The following SPEN variants were observed in gnomAD, a reference collection of about 807,000 sequenced individuals.
SPEN encodes the protein msx2-interacting protein.
SPEN carries 18 observed loss-of-function variants against 269.9 expected under a neutral mutation model. The ratio of observed to expected loss-of-function variants is 0.07; its 90% CI spans 0.05 to 0.10. The LOEUF is 0.10. Among genes scored for constraint, SPEN ranks in the 10% least tolerant of loss-of-function variants. The pLI is 1.00. For missense variants in SPEN, 3,822 were observed against 4,631.2 expected, an observed-to-expected ratio of 0.83 and a Z score of 5.07; for synonymous variants, 1,726 against 1,765.7, an observed-to-expected ratio of 0.98 and a Z score of 0.56.
At chr1:15,902,046 A>G (rs1334593118) in intron 3 of SPEN, among the ~76,000 whole-genome samples, 1 of 146,674 alleles carries the variant, frequency 6.8e-6, no homozygotes, top group Non-Finnish European at 1.5e-5. Context: ...CTCATGCCTT[A>G]GCCTCCCAAG....
At position 15,932,912 on chromosome 1, in the gene SPEN, T is replaced by G. The variant is rs2071236428; in HGVS notation, c.6672T>G (p.Asn2224Lys). 1 of 1,614,108 alleles carries G rather than the reference T, an allele frequency of 6.2e-7. No individual in the cohort carries two copies. The highest frequency in any genetic ancestry group is 8.5e-7 in the Non-Finnish European group (1 of 1,180,054). Reference sequence around the variant, plus strand: ...CTGCGGCCATCGGCTCCATCATCAATGACATTTCTGGGGAGCCAGAAAACT... The same window carrying G: ...CTGCGGCCATCGGCTCCATCATCAAGGACATTTCTGGGGAGCCAGAAAACT... ...ELAAAIGSII[N>K]DISGEPENFP... The change falls in exon 11 of 15, where the codon AAT becomes AAG. Residue 2224 changes from asparagine to lysine, a missense_variant. By Grantham distance (94) the Asn-to-Lys change is moderately conservative (BLOSUM62 0). Coordinates refer to ENST00000375759, the MANE Select transcript of SPEN (RefSeq NM_015001.3). The surrounding 1 kb of genome is among the most constrained non-coding windows in gnomAD (Gnocchi z 4.2).
chr1:15,922,128 C>A, intron 9 of SPEN, 121 bp from the exon 10 acceptor site: 2 of 681,854 alleles, frequency 2.9e-6, no homozygotes, highest in East Asian at 2.7e-5. Flanking sequence ...ACTTGAGATA[C>A]ATTGCTGTTT....
intron 5 of SPEN, among the ~76,000 whole-genome samples, chr1:15,915,418 G>A (rs951605019): frequency 2.6e-5 from 4 of 152,184 alleles, no homozygotes; most frequent in African/African-American, 9.7e-5. Context: ...GAGCCTGGGA[G>A]GTTGAGGCTC....
At position 15,929,691 on chromosome 1, in the gene SPEN, C is replaced by T; in HGVS notation, c.3451C>T (p.His1151Tyr). Residue 1151 changes from histidine to tyrosine, a missense_variant, in exon 11 of 15, where the codon CAT (histidine) becomes TAT (tyrosine). By Grantham distance (83) the His-to-Tyr change is moderately conservative. Coordinates refer to ENST00000375759, the MANE Select transcript of SPEN (RefSeq NM_015001.3). The surrounding 1 kb of genome is among the most constrained non-coding windows in gnomAD (Gnocchi z 5.8). ...ACGTAAATCAGGCCAAGAGAAATCA[C>T]ATTCAGTAAATACTGAAGAAAAAAT... ...PERKSGQEKS[H>Y]SVNTEEKIGI... 6.2e-7 allele frequency: 1 copy of T among 1,614,028 alleles called. No homozygotes were observed. The highest frequency in any genetic ancestry group is 8.5e-7 in the Non-Finnish European group (1 of 1,179,962).
At chr1:15,855,516 T>A (rs1180885172) in intron 1 of SPEN, among the ~76,000 whole-genome samples, 1 of 152,156 alleles carries the variant, frequency 6.6e-6, no homozygotes, top group Non-Finnish European at 1.5e-5. Flanking sequence ...CTTTTACCAA[T>A]CAAATTGGTA....
At position 15,928,112 on chromosome 1, in the gene SPEN, C is replaced by T. The variant is rs142915822; in HGVS notation, c.1872C>T (p.Tyr624=). ...AERREERRAS[Y]DYNQDRTYYE... Reference sequence around the variant, plus strand: ...GCAGAGAGGAACGAAGGGCATCCTACGACTATAACCAAGATCGTACATATT... The same window carrying T: ...GCAGAGAGGAACGAAGGGCATCCTATGACTATAACCAAGATCGTACATATT... Residue 624 remains tyrosine, a synonymous_variant, in exon 11 of 15, where the codon TAC becomes TAT. Transcript: ENST00000375759. This position sits in a 1 kb window ranked among gnomAD's most constrained non-coding sequence, Gnocchi z 5.7. 74 of 1,608,018 alleles carry T rather than the reference C, an allele frequency of 4.6e-5. No individual in the cohort carries two copies. Among genetic ancestry groups the T allele is most frequent in the African/African-American group, 3.6e-4 (27 of 74,742 alleles).
Position 15,928,651 on chromosome 1 carries a change from G to A in SPEN, c.2411G>A (p.Arg804Lys). 6.2e-7 allele frequency: 1 copy of A among 1,614,070 alleles called. No homozygotes were observed. Among genetic ancestry groups the A allele is most frequent in the South Asian group, 1.1e-5 (1 of 91,082 alleles). ...ERTFDPERVE[R>K]ERRLIRKEKV... The stretch of plus-strand genomic sequence containing the variant: ...ACTTTTGATCCGGAGAGAGTGGAGA[G>A]AGAGAGACGCTTAATACGGAAGGAA... The change falls in exon 11 of 15, where the codon AGA becomes AAA. Residue 804 changes from arginine (R) to lysine (K), a missense_variant. Transcript: ENST00000375759. This position sits in a 1 kb window ranked among gnomAD's most constrained non-coding sequence, Gnocchi z 5.7.
intron 3 of SPEN, among the ~76,000 whole-genome samples, chr1:15,889,618 C>T (rs2148718170): frequency 6.6e-6 from 1 of 152,270 alleles, no homozygotes; most frequent in East Asian, 1.9e-4. Context: ...AAAGAGCACT[C>T]TCTGGTCATT....
Position 15,933,809 on chromosome 1 carries a change from G to C in SPEN, c.7569G>C (p.Lys2523Asn). ...TPSPALPPDTKASDVDTSSST... is the reference protein window; with the variant it reads ...TPSPALPPDTNASDVDTSSST... ...CTCCAGCTCTTCCCCCAGACACAAA[G>C]GCCTCTGATGTTGACACCAGCTCCA... Residue 2523 changes from lysine to asparagine, a missense_variant, in exon 11 of 15, where the codon AAG becomes AAC. By Grantham distance (94) the Lys-to-Asn change is moderately conservative (BLOSUM62 0). Coordinates refer to ENST00000375759, the MANE Select transcript of SPEN (RefSeq NM_015001.3). This position sits in a 1 kb window ranked among gnomAD's most constrained non-coding sequence, Gnocchi z 5.7. 1 of 1,613,272 alleles carries C rather than the reference G, an allele frequency of 6.2e-7. No homozygotes were observed. The highest frequency in any genetic ancestry group is 8.5e-7 in the Non-Finnish European group (1 of 1,180,038).
chr1:15,929,158 T>C lies in SPEN; in HGVS notation c.2918T>C (p.Val973Ala). 6.2e-7 allele frequency: 1 copy of C among 1,613,910 alleles called. No individual in the cohort carries two copies. Among genetic ancestry groups the C allele is most frequent in the Non-Finnish European group, 8.5e-7 (1 of 1,179,964 alleles). ...AAGCCTGAGCAGCCTGCAGATGGGG[T>C]AAGTGCTGTGGATCTGGAGAAGCTG... ...HLKPEQPADG[V>A]SAVDLEKLEA... The change falls in exon 11 of 15, where the codon GTA (valine) becomes GCA (alanine). Residue 973 changes from valine (V) to alanine (A), a missense_variant. Physicochemically the swap from Val to Ala is moderately conservative, Grantham distance 64 (BLOSUM62 0). This residue lies in a region of SPEN where 572 missense variants were observed against 582.6 expected (regional missense o/e 0.98). Transcript: ENST00000375759. This position sits in a 1 kb window ranked among gnomAD's most constrained non-coding sequence, Gnocchi z 5.8.
chr1:15,878,745 C>G (rs2070656917), intron 3 of SPEN, among the ~76,000 whole-genome samples: 1 of 152,168 alleles, frequency 6.6e-6, no homozygotes, highest in Non-Finnish European at 1.5e-5. Flanking sequence ...GTGGCTCACT[C>G]ACGCCTGTAA....
Position 15,931,614 on chromosome 1 carries a change from G to A in SPEN, c.5374G>A (p.Glu1792Lys), listed in dbSNP as rs537211881. The A allele has an allele frequency of 4.7e-5, 76 of 1,614,116 alleles. No individual in the cohort carries two copies. Among genetic ancestry groups the A allele is most frequent in the South Asian group, 2.0e-4 (18 of 91,072 alleles). Residue 1792 changes from glutamate (E) to lysine (K), a missense_variant, in exon 11 of 15, where the codon GAA becomes AAA. This residue lies in a region of SPEN where 533 missense variants were observed against 618.8 expected (regional missense o/e 0.86). Coordinates refer to ENST00000375759, the MANE Select transcript of SPEN (RefSeq NM_015001.3). This position sits in a 1 kb window ranked among gnomAD's most constrained non-coding sequence, Gnocchi z 4.8. ...DAEPDANQKA[E>K]AAPESQPPAS... ...TGAGCCTGATGCAAACCAGAAAGCC[G>A]AAGCTGCTCCTGAGTCTCAGCCCCC...
chr1:15,904,479 T>TAAAA (rs1557750239), intron 3 of SPEN, among the ~76,000 whole-genome samples: 3,717 of 80,302 alleles, frequency 0.046, 155 homozygotes, highest in East Asian at 0.069. Flanking sequence ...AAAAAAAAAG[T>TAAAA]GAACTAAAAA....
intron 1 of SPEN, among the ~76,000 whole-genome samples, chr1:15,859,362 T>C (rs1269010924): frequency 6.9e-6 from 1 of 144,676 alleles, no homozygotes; most frequent in Non-Finnish European, 1.5e-5. Context: ...TCTTTTCTTT[T>C]TTTTTTTTTT....
Position 15,929,738 on chromosome 1 carries a change from G to A in SPEN, c.3498G>A (p.Thr1166=), listed in dbSNP as rs768699558. ...AAATTGGCATTGACATCGATCACAC[G>A]CAGAGTTACCGAAAACAAATGGAAC... is the stretch of plus-strand genomic sequence containing the variant. ...EEKIGIDIDH[T]QSYRKQMEQS... is the part of the protein sequence containing the mutation. Residue 1166 remains threonine, a synonymous_variant, in exon 11 of 15, where the codon ACG becomes ACA. Coordinates refer to ENST00000375759, the MANE Select transcript of SPEN (RefSeq NM_015001.3). This position sits in a 1 kb window ranked among gnomAD's most constrained non-coding sequence, Gnocchi z 5.8. 3 of 1,614,152 alleles carry A rather than the reference G, an allele frequency of 1.9e-6. No homozygotes were observed. Among genetic ancestry groups the A allele is most frequent in the Admixed American group, 1.7e-5 (1 of 60,024 alleles).
At chr1:15,912,659 T>C (rs2071022185) in intron 5 of SPEN, among the ~76,000 whole-genome samples, 1 of 152,176 alleles carries the variant, frequency 6.6e-6, no homozygotes, top group South Asian at 2.1e-4. Context: ...TATTATCTTT[T>C]CAAAGGATAA....
intron 2 of SPEN, chr1:15,874,507 A>T: frequency 5.1e-6 from 4 of 786,438 alleles, no homozygotes; most frequent in Non-Finnish European, 7.0e-6. Flanking sequence ...ATCAGAGAAT[A>T]GCCATTAGAT....
At position 15,878,712 on chromosome 1, in the gene SPEN, A is replaced by G. The variant is rs553105044; in HGVS notation, c.881+2034A>G. On this transcript the variant is annotated intron_variant, in intron 3 of 14. Transcript: ENST00000375759. ...ATTCCACTGGATCAAAACTTATTGA[A>G]AAGGTGTTGAGGCACTGGGCGTGTG... Among the ~76,000 whole-genome samples, 7 of 152,316 alleles carry G rather than the reference A, an allele frequency of 4.6e-5. No individual in the cohort carries two copies. In the East Asian group the frequency reaches 1.2e-3, roughly 25 times the overall value.
intron 3 of SPEN, among the ~76,000 whole-genome samples, chr1:15,882,863 C>T (rs986761485): frequency 1.3e-5 from 2 of 152,158 alleles, no homozygotes; most frequent in African/African-American, 4.8e-5. Context: ...GCCCTCATGG[C>T]TCTGCTTGGC....
Sources: allele counts gnomAD v4.1 joint callset (sites outside exome capture counted in the v4.1 genomes callset), GRCh38; gene constraint gnomAD v4.1.1; regional missense constraint gnomAD v4.1.1; non-coding constraint Gnocchi (gnomAD v3.1); transcripts MANE v1.5; gene names NCBI Gene and HGNC (gene_info 2026-07-23, HGNC 2026-07-21).